EML1: variants seen among roughly 807,000 people sequenced by gnomAD.
The protein encoded by EML1 is EMAP like 1, also known as echinoderm microtubule-associated protein-like 1.
Under a neutral mutation model 110.4 loss-of-function variants are expected in EML1, and 27 were observed. That is an observed-to-expected ratio of 0.24 (90% CI 0.18 to 0.34). The LOEUF is 0.34. EML1 is among the 10% of genes least tolerant of loss of function. EML1 has a pLI of 1.00. For synonymous variants in EML1, 344 were observed against 385.8 expected (o/e 0.89, Z 1.27); for missense variants, 741 against 1,030.9 (o/e 0.72, Z 3.85).
upstream of EML1, among the ~76,000 whole-genome samples, chr14:99,793,096 C>G (rs934851290): frequency 2.0e-5 from 3 of 150,978 alleles, no homozygotes; most frequent in Non-Finnish European, 4.4e-5. Flanking sequence ...CCTGAGCCCC[C>G]GTGCGCGGAG....
At chr14:99,861,896 G>A (rs1034297220) in intron 2 of EML1, among the ~76,000 whole-genome samples, 6 of 152,142 alleles carry the variant, frequency 3.9e-5, no homozygotes, top group Non-Finnish European at 5.9e-5. Flanking sequence ...TGTTATTACC[G>A]TCTTACATTA....
At chr14:99,773,045 C>T (rs1431910982) in exon 1 of EML1, 4 of 152,154 alleles carry the variant, frequency 2.6e-5, no homozygotes, top group Non-Finnish European at 5.9e-5. Context: ...GGTGTGTGAC[C>T]ATGTTCTCTC....
chr14:99,815,489 G>A (rs903955800), intron 1 of EML1, among the ~76,000 whole-genome samples: 3 of 152,098 alleles, frequency 2.0e-5, no homozygotes, highest in African/African-American at 7.2e-5. Flanking sequence ...ATAATGATAT[G>A]CCCCCTTGTT....
intron 2 of EML1, among the ~76,000 whole-genome samples, chr14:99,864,358 T>C (rs7140944): frequency 0.089 from 13,503 of 152,250 alleles, 2,050 homozygotes; most frequent in African/African-American, 0.31. Flanking sequence ...AACTATCAAT[T>C]TTTTTCTTTC....
chr14:99,842,354 C>G (rs1276251198), intron 1 of EML1, among the ~76,000 whole-genome samples: 2 of 152,226 alleles, frequency 1.3e-5, no homozygotes, highest in Non-Finnish European at 2.9e-5. Flanking sequence ...CAACACTGGT[C>G]TTTTCTGTAC....
intron 1 of EML1, among the ~76,000 whole-genome samples, chr14:99,738,238 C>T (rs529314418): frequency 7.9e-5 from 12 of 152,232 alleles, no homozygotes; most frequent in East Asian, 1.9e-4. Flanking sequence ...GAACACTTAA[C>T]GGCGGGGGAG....
Position 99,909,377 on chromosome 14 carries a change from C to T in EML1, c.1137C>T (p.Phe379=), listed in dbSNP as rs1056323055. ...CSNEAVFAAD[F]HPTDTNIIVT... ...ATGAAGCTGTGTTTGCTGCGGATTT[C>T]CACCCCACGGACACCAACATCATAG... The change falls in exon 11 of 22, where the codon TTC becomes TTT. Residue 379 remains phenylalanine, a synonymous_variant. Coordinates refer to ENST00000262233, the MANE Select transcript of EML1 (RefSeq NM_004434.3). 6.2e-7 allele frequency: 1 copy of T among 1,614,162 alleles called. No individual in the cohort carries two copies. The highest frequency in any genetic ancestry group is 1.7e-5 in the Admixed American group (1 of 60,028).
intron 2 of EML1, among the ~76,000 whole-genome samples, chr14:99,864,356 AT>A (rs1433164953): frequency 3.9e-5 from 6 of 152,150 alleles, no homozygotes; most frequent in Non-Finnish European, 7.3e-5. Flanking sequence ...CAAACTATCA[AT>A]TTTTTTCTTT....
chr14:99,793,315 G>A (rs2140231681), upstream of EML1: 1 of 980,292 alleles, frequency 1.0e-6, no homozygotes, highest in South Asian at 4.6e-5. Flanking sequence ...GGCTGCGGCG[G>A]CGGCGGCGGG....
chr14:99,762,931 A>G (rs2057329933), intron 1 of EML1, among the ~76,000 whole-genome samples: 2 of 152,116 alleles, frequency 1.3e-5, no homozygotes, highest in African/African-American at 2.4e-5. Context: ...TAACACCCCT[A>G]CGTATGTGTG....
rs922877446 is a variant in EML1 at position 99,853,818 on chromosome 14, C to T, written c.250+2783C>T. On this transcript the variant is annotated intron_variant, in intron 2 of 21. Coordinates refer to ENST00000262233, the MANE Select transcript of EML1 (RefSeq NM_004434.3). The stretch of plus-strand genomic sequence containing the variant: ...CCGAGTTGCTGGGACTACAGGCACA[C>T]GCCACCACACCTGCTAATTTTTTTG... Among the ~76,000 whole-genome samples, 53 of 152,196 alleles carry T rather than the reference C, an allele frequency of 3.5e-4. 1 individual carries two copies. Among genetic ancestry groups the T allele is most frequent in the African/African-American group, 1.3e-3 (52 of 41,544 alleles).
intron 1 of EML1, among the ~76,000 whole-genome samples, chr14:99,819,132 G>A (rs2058218956): frequency 6.6e-6 from 1 of 151,894 alleles, no homozygotes; most frequent in Non-Finnish European, 1.5e-5. Context: ...TTAAAAAGTT[G>A]TTTTAGAGAC....
At chr14:99,908,911 G>A (rs1356353638) in intron 10 of EML1, among the ~76,000 whole-genome samples, 2 of 152,234 alleles carry the variant, frequency 1.3e-5, no homozygotes, top group African/African-American at 2.4e-5. Context: ...GTGAGGCCTA[G>A]AGATCTGCAT....
rs77759693 is a variant in EML1 at position 99,879,778 on chromosome 14, G to A, written c.518+1159G>A. The stretch of plus-strand genomic sequence containing the variant: ...TTGGAAATGAGGCCAAGTGGTTACA[G>A]TGGCAACAGAGTGTGAATTAGTGGG... On this transcript the variant is annotated intron_variant, in intron 4 of 21. Transcript: ENST00000262233. 2.6e-3 allele frequency among the ~76,000 whole-genome samples: 398 copies of A among 152,354 alleles called. 3 individuals are homozygous for A. The highest frequency in any genetic ancestry group is 9.0e-3 in the African/African-American group (374 of 41,590).
intron 3 of EML1, among the ~76,000 whole-genome samples, chr14:99,873,695 C>T (rs746325095): frequency 1.1e-4 from 17 of 152,180 alleles, no homozygotes; most frequent in Non-Finnish European, 2.1e-4. Context: ...TCTCCCAGAC[C>T]ACTAGCCTTC....
At chr14:99,916,791 A>C (rs1047830262) in intron 15 of EML1, among the ~76,000 whole-genome samples, 3 of 152,198 alleles carry the variant, frequency 2.0e-5, no homozygotes, top group African/African-American at 7.2e-5. Flanking sequence ...TGGAGTGGCC[A>C]CATCTCACCT....
chr14:99,805,517 C>G (rs1283827512), intron 1 of EML1, among the ~76,000 whole-genome samples: 1 of 152,120 alleles, frequency 6.6e-6, no homozygotes, highest in Non-Finnish European at 1.5e-5. Flanking sequence ...GTCTGTTGCC[C>G]AGGCTGGAGC....
At chr14:99,875,104 A>G (rs1313543126) in intron 3 of EML1, 4 of 871,548 alleles carry the variant, frequency 4.6e-6, no homozygotes, top group Non-Finnish European at 5.4e-6. Flanking sequence ...TCAAGTCATC[A>G]ATCATGTAAC....
intron 4 of EML1, among the ~76,000 whole-genome samples, chr14:99,879,742 G>T (rs1047845590): frequency 6.6e-6 from 1 of 152,182 alleles, no homozygotes; most frequent in Admixed American, 6.5e-5. Flanking sequence ...TGCTAATGGG[G>T]TGATAATACC....
Sources: gnomAD v4.1 joint callset for allele counts (sites outside exome capture counted in the v4.1 genomes callset) on GRCh38, gnomAD v4.1.1 for gene constraint, MANE v1.5 for transcripts, NCBI Gene and HGNC (gene_info 2026-07-23, HGNC 2026-07-21) for gene names.